KANSL1: variants seen among roughly 807,000 people sequenced by gnomAD.
The protein encoded by KANSL1 is KAT8 regulatory NSL complex subunit 1, also known as MLL1/MLL complex subunit KANSL1.
KANSL1 carries 22 observed loss-of-function variants against 103.6 expected under a neutral mutation model. That is an observed-to-expected ratio of 0.21 (90% CI 0.15 to 0.30). The LOEUF (loss-of-function observed/expected upper bound fraction) is 0.30. KANSL1 is among the 10% of genes least tolerant of loss of function. KANSL1 has a pLI of 1.00. For synonymous variants in KANSL1, 600 were observed against 527.6 expected (o/e 1.14, Z -1.88); for missense variants, 1,337 against 1,399.8 (o/e 0.96, Z 0.72).
At chr17:46,198,161 A>G (rs757584997), upstream of KANSL1, among the ~76,000 whole-genome samples, 3 of 152,200 alleles carry the variant, frequency 2.0e-5, no homozygotes, top group Non-Finnish European at 4.4e-5. Flanking sequence ...TTAAGCACAC[A>G]GGACCTAGGT....
chr17:46,208,616 CAAAAAAAAA>C (rs149187563), intron 1 of KANSL1, among the ~76,000 whole-genome samples: 2 of 81,218 alleles, frequency 2.5e-5, no homozygotes, highest in Non-Finnish European at 4.5e-5. Context: ...GACCCTGTCT[CAAAAAAAAA>C]AAAAAAAAAA....
chr17:46,096,316 T>TTTTTTC (rs1555760935), intron 2 of KANSL1, among the ~76,000 whole-genome samples: 45 of 97,250 alleles, frequency 4.6e-4, no homozygotes, highest in African/African-American at 1.4e-3. Context: ...TTTTTCTTTT[T>TTTTTTC]TTTTTTTTTT....
At chr17:46,147,741 T>C (rs1387683484) in intron 2 of KANSL1, among the ~76,000 whole-genome samples, 1 of 152,196 alleles carries the variant, frequency 6.6e-6, no homozygotes, top group Non-Finnish European at 1.5e-5. Context: ...TTGGAAGAAG[T>C]TGTAAGTAAA....
chr17:46,138,022 A>T (rs1370519371), intron 2 of KANSL1, among the ~76,000 whole-genome samples: 7 of 152,222 alleles, frequency 4.6e-5, no homozygotes, highest in Non-Finnish European at 8.8e-5. Flanking sequence ...ACTGCAGCTT[A>T]GGCTAGTGAA....
chr17:46,076,986 C>T (rs76277719), intron 4 of KANSL1, among the ~76,000 whole-genome samples: 6,463 of 152,228 alleles, frequency 0.042, 454 homozygotes, highest in African/African-American at 0.15. Flanking sequence ...TTTTGCCCTA[C>T]CTTTTCCAAT....
At chr17:46,045,001 T>C (rs1033230503) in intron 7 of KANSL1, 1 of 152,200 alleles carries the variant, frequency 6.6e-6, no homozygotes, top group Non-Finnish European at 1.5e-5. Flanking sequence ...AAAATCATTT[T>C]TAACCTTGTT....
intron 2 of KANSL1, among the ~76,000 whole-genome samples, chr17:46,100,285 A>T (rs2042251110): frequency 6.6e-6 from 1 of 152,130 alleles, no homozygotes. Flanking sequence ...AAAATAAAAA[A>T]AATTATCCAG....
chr17:46,150,795 T>C (rs992788811), intron 2 of KANSL1, among the ~76,000 whole-genome samples: 1 of 152,218 alleles, frequency 6.6e-6, no homozygotes, highest in African/African-American at 2.4e-5. Flanking sequence ...CTTCCTTATC[T>C]TGTGAAACAG....
intron 2 of KANSL1, among the ~76,000 whole-genome samples, chr17:46,111,402 G>A (rs1421346723): frequency 6.6e-6 from 1 of 152,150 alleles, no homozygotes; most frequent in African/African-American, 2.4e-5. Context: ...TAGAGATAGG[G>A]TTTCACCATG....
intron 7 of KANSL1, among the ~76,000 whole-genome samples, chr17:46,049,209 C>T (rs62063675): frequency 0.15 from 21,086 of 137,986 alleles, 2,072 homozygotes; most frequent in Middle Eastern, 0.25. Context: ...TAGAAATGAT[C>T]TCTTTATTTG....
chr17:46,062,506 G>A (rs370516980), intron 6 of KANSL1, among the ~76,000 whole-genome samples: 53 of 151,204 alleles, frequency 3.5e-4, no homozygotes, highest in Non-Finnish European at 6.8e-4. Context: ...TTACAGGCAC[G>A]TGCCACCACG....
In KANSL1 at chr17:46,171,531, T is replaced by A. The variant is rs1236541973; in HGVS notation, c.613A>T (p.Met205Leu). ...GSESGDLKGG[M>L]TNCTLPHRSL... ...CTATGTGGAAGAGTGCAATTGGTCA[T>A]ACCCCCCTTCAAGTCCCCAGATTCA... The change falls in exon 2 of 15, where the codon ATG becomes TTG. Residue 205 changes from methionine to leucine, a missense_variant. Met to Leu is a conservative substitution (Grantham distance 15). Coordinates refer to ENST00000432791, the MANE Select transcript of KANSL1 (RefSeq NM_015443.4). 12 of 1,613,394 alleles carry A rather than the reference T, an allele frequency of 7.4e-6. No individual in the cohort carries two copies. The highest frequency in any genetic ancestry group is 1.0e-5 in the Non-Finnish European group (12 of 1,179,652).
rs747899894 is a variant in KANSL1 at position 46,172,183 on chromosome 17, C to T, written c.-40G>A. On this transcript the variant is annotated 5_prime_UTR_variant, in exon 2 of 15. Coordinates refer to ENST00000432791, the MANE Select transcript of KANSL1 (RefSeq NM_015443.4). ...CAGGAAGTCCAGCCTCTCCCGATGC[C>T]GAGGCCGAGGCCAGCTCCACGGCCC... The T allele has an allele frequency of 1.3e-5, 21 of 1,568,864 alleles. No individual in the cohort carries two copies. Among genetic ancestry groups the T allele is most frequent in the Admixed American group, 3.6e-5 (2 of 56,084 alleles).
chr17:46,224,984 G>C (rs1304071269), upstream of KANSL1: 1 of 151,390 alleles, frequency 6.6e-6, no homozygotes, highest in Non-Finnish European at 1.5e-5. Context: ...ACCTCGGCTC[G>C]GCCTGGCGCC....
intron 2 of KANSL1, among the ~76,000 whole-genome samples, chr17:46,146,020 G>A (rs112590061): frequency 0.026 from 4,019 of 152,182 alleles, 179 homozygotes; most frequent in African/African-American, 0.093. Context: ...GTGAGCCACC[G>A]TGCCAGCCCA....
chr17:46,108,566 C>T (rs2042668050), intron 2 of KANSL1, among the ~76,000 whole-genome samples: 1 of 152,168 alleles, frequency 6.6e-6, no homozygotes, highest in African/African-American at 2.4e-5. Flanking sequence ...ATCCGGAAAA[C>T]AGAGATTTTT....
chr17:46,107,030 A>T (rs1394397217), intron 2 of KANSL1, among the ~76,000 whole-genome samples: 1 of 152,244 alleles, frequency 6.6e-6, no homozygotes, highest in Non-Finnish European at 1.5e-5. Context: ...CTAAAGGAAC[A>T]ACACAGTGAC....
At chr17:46,141,352 A>G (rs1389886608) in intron 2 of KANSL1, among the ~76,000 whole-genome samples, 1 of 152,232 alleles carries the variant, frequency 6.6e-6, no homozygotes, top group East Asian at 1.9e-4. Context: ...AGAACCCTAG[A>G]TTTAGATAAA....
chr17:46,138,123 A>T (rs1055645477), intron 2 of KANSL1, among the ~76,000 whole-genome samples: 7 of 152,170 alleles, frequency 4.6e-5, no homozygotes, highest in Non-Finnish European at 1.0e-4. Flanking sequence ...CACACATGCA[A>T]ATACAAGTTC....
Sources: gnomAD v4.1 joint callset for allele counts (sites outside exome capture counted in the v4.1 genomes callset) on GRCh38, gnomAD v4.1.1 for gene constraint, MANE v1.5 for transcripts, NCBI Gene and HGNC (gene_info 2026-07-23, HGNC 2026-07-21) for gene names.